Variants in SPAG16 observed in about 807,000 individuals in gnomAD.
The protein encoded by SPAG16 is sperm associated antigen 16.
SPAG16 carries 86 observed loss-of-function variants against 80.4 expected under a neutral mutation model. The ratio of observed to expected loss-of-function variants is 1.07; its 90% CI spans 0.90 to 1.28. The LOEUF is 1.28. Among genes scored for constraint, SPAG16 ranks in the 50% most tolerant of loss-of-function variants. SPAG16 has a pLI of 0.00. For synonymous variants in SPAG16, 294 were observed against 265.9 expected, an observed-to-expected ratio of 1.11 and a Z score of -1.03; for missense variants, 870 against 765.3, an observed-to-expected ratio of 1.14 and a Z score of -1.61.
At chr2:214,356,591 C>G (rs902480297) in intron 15 of SPAG16, among the ~76,000 whole-genome samples, 4 of 151,796 alleles carry the variant, frequency 2.6e-5, no homozygotes, top group African/African-American at 9.7e-5. Flanking sequence ...ATATTTCTCT[C>G]TTAATTCATA....
At chr2:214,181,259 C>T (rs1307695067) in intron 15 of SPAG16, among the ~76,000 whole-genome samples, 1 of 151,646 alleles carries the variant, frequency 6.6e-6, no homozygotes, top group East Asian at 1.9e-4. Flanking sequence ...CAATTTGTGT[C>T]CCTCTCTGCC....
intron 10 of SPAG16, among the ~76,000 whole-genome samples, chr2:213,732,848 A>G (rs576746826): frequency 6.6e-6 from 1 of 152,132 alleles, no homozygotes; most frequent in African/African-American, 2.4e-5. Context: ...ATGCATGCAC[A>G]TGTCTTTATA....
chr2:213,588,298 T>C (rs1038304133), intron 10 of SPAG16, among the ~76,000 whole-genome samples: 1 of 152,168 alleles, frequency 6.6e-6, no homozygotes, highest in Non-Finnish European at 1.5e-5. Context: ...TTACTAATCA[T>C]TCAAGAAGAA....
chr2:213,691,877 A>C (rs2064957810), intron 10 of SPAG16, among the ~76,000 whole-genome samples: 1 of 152,238 alleles, frequency 6.6e-6, no homozygotes, highest in African/African-American at 2.4e-5. Flanking sequence ...ACATAGTGGA[A>C]TTTCAATAAA....
intron 10 of SPAG16, among the ~76,000 whole-genome samples, chr2:213,730,265 G>A (rs1820571): frequency 0.92 from 140,796 of 152,258 alleles, 66,139 homozygotes; most frequent in East Asian, 1. Context: ...TGCAGTGGCT[G>A]TGGTTGATGG....
chr2:213,896,815 T>C (rs896035352), intron 11 of SPAG16, among the ~76,000 whole-genome samples: 7 of 152,038 alleles, frequency 4.6e-5, no homozygotes, highest in African/African-American at 1.4e-4. Context: ...TCTCACTGTC[T>C]TATGTTAAAG....
intron 3 of SPAG16, among the ~76,000 whole-genome samples, chr2:213,300,694 A>G (rs723622): frequency 0.053 from 8,008 of 152,226 alleles, 277 homozygotes; most frequent in Middle Eastern, 0.092. Flanking sequence ...TGTCTATGTT[A>G]TCTGTGTAGA....
intron 15 of SPAG16, among the ~76,000 whole-genome samples, chr2:214,328,526 GAC>G (rs1045373011): frequency 3.9e-5 from 6 of 152,156 alleles, no homozygotes; most frequent in Non-Finnish European, 7.3e-5. Flanking sequence ...GTATACTTTG[GAC>G]ACCTGAGCTC....
chr2:213,803,778 C>T (rs1448281566), intron 10 of SPAG16, among the ~76,000 whole-genome samples: 1 of 152,188 alleles, frequency 6.6e-6, no homozygotes, highest in Non-Finnish European at 1.5e-5. Context: ...CGCTCTGTCA[C>T]CCAGGCTGGA....
chr2:214,387,849 T>C (rs1166597826), intron 15 of SPAG16, among the ~76,000 whole-genome samples: 1 of 152,150 alleles, frequency 6.6e-6, no homozygotes, highest in Non-Finnish European at 1.5e-5. Context: ...ACCCTCATGA[T>C]TCAGTGATCT....
intron 9 of SPAG16, among the ~76,000 whole-genome samples, chr2:213,425,061 T>C (rs1489199867): frequency 6.6e-6 from 1 of 152,152 alleles, no homozygotes; most frequent in African/African-American, 2.4e-5. Context: ...CGGTGGCTCA[T>C]GCCTGTAATC....
intron 14 of SPAG16, among the ~76,000 whole-genome samples, chr2:214,135,723 GTCTCTCTCTC>G (rs372301135): frequency 5.5e-5 from 8 of 145,674 alleles, no homozygotes; most frequent in South Asian, 2.2e-4. Flanking sequence ...CTGTCTCTCT[GTCTCTCTCTC>G]TCTCTCTCTC....
At chr2:213,447,645 A>G (rs375015243) in intron 9 of SPAG16, among the ~76,000 whole-genome samples, 1 of 152,228 alleles carries the variant, frequency 6.6e-6, no homozygotes, top group Non-Finnish European at 1.5e-5. Context: ...CTCAGTATCA[A>G]TGTAGATTCA....
chr2:213,406,744 G>A (rs1009289304), intron 9 of SPAG16, among the ~76,000 whole-genome samples: 2 of 152,044 alleles, frequency 1.3e-5, no homozygotes, highest in African/African-American at 4.8e-5. Context: ...ATATGCGAGT[G>A]CAATTTCTTT....
chr2:214,131,042 T>A (rs1451808729), intron 14 of SPAG16, among the ~76,000 whole-genome samples: 2 of 152,216 alleles, frequency 1.3e-5, no homozygotes, highest in Non-Finnish European at 1.5e-5. Flanking sequence ...CCTTCAGGAC[T>A]GTGCTTTCAA....
intron 15 of SPAG16, among the ~76,000 whole-genome samples, chr2:214,349,750 G>T (rs1698279587): frequency 6.6e-6 from 1 of 152,132 alleles, no homozygotes. Context: ...ATGTAGTGTT[G>T]TCAATCTTTT....
intron 13 of SPAG16, among the ~76,000 whole-genome samples, chr2:214,048,243 C>A (rs1439806015): frequency 6.6e-6 from 1 of 152,142 alleles, no homozygotes; most frequent in Admixed American, 6.6e-5. Flanking sequence ...CCTGCACTTC[C>A]ATGTTTATTG....
chr2:213,433,493 C>T (rs80039769), intron 9 of SPAG16, among the ~76,000 whole-genome samples: 1 of 152,064 alleles, frequency 6.6e-6, no homozygotes, highest in Non-Finnish European at 1.5e-5. Flanking sequence ...AATGTAATCT[C>T]ATTTACAATA....
At chr2:213,368,226 C>T (rs2066425639) in intron 8 of SPAG16, among the ~76,000 whole-genome samples, 4 of 152,114 alleles carry the variant, frequency 2.6e-5, no homozygotes, top group Admixed American at 2.0e-4. Flanking sequence ...TAGTGTGATG[C>T]CTCCAGCTTT....
Sources: gnomAD v4.1 joint callset for allele counts (sites outside exome capture counted in the v4.1 genomes callset) on GRCh38, gnomAD v4.1.1 for gene constraint, MANE v1.5 for transcripts, NCBI Gene and HGNC (gene_info 2026-07-23, HGNC 2026-07-21) for gene names.